CD8B: variants seen among roughly 807,000 people sequenced by gnomAD.
CD8B encodes CD8 subunit beta.
CD8B carries 6 observed loss-of-function variants against 24.2 expected under a neutral mutation model. The observed-to-expected ratio is 0.25, with a 90% CI of 0.14 to 0.49. The LOEUF is 0.49. Among genes scored for constraint, CD8B ranks in the 20% least tolerant of loss-of-function variants. The pLI, the probability that CD8B is intolerant of heterozygous loss-of-function variation, is 0.98. For synonymous variants in CD8B, 84 were observed against 108.3 expected, an observed-to-expected ratio of 0.78 and a Z score of 1.39; for missense variants, 196 against 271.3, an observed-to-expected ratio of 0.72 and a Z score of 1.95.
chr2:86,821,863 T>G (rs1356563281), intron 5 of CD8B: 3 of 286,710 alleles, frequency 1.0e-5, no homozygotes, highest in Non-Finnish European at 2.3e-5. Context: ...GGTTAATTCC[T>G]TCGCTCCAGC....
chr2:86,845,487 G>T (rs1433907379), intron 4 of CD8B, among the ~76,000 whole-genome samples: 1 of 152,050 alleles, frequency 6.6e-6, no homozygotes, highest in Non-Finnish European at 1.5e-5. Flanking sequence ...TTAGGAATGG[G>T]GTCTTATTAT....
chr2:86,831,599 A>G (rs921919774), intron 5 of CD8B, among the ~76,000 whole-genome samples: 2 of 152,344 alleles, frequency 1.3e-5, no homozygotes, highest in East Asian at 1.9e-4. Flanking sequence ...GCTTTCCTCT[A>G]TCTCTGCAAT....
intron 4 of CD8B, 78 bp from the exon 5 acceptor site, chr2:86,845,036 G>T: frequency 6.5e-7 from 1 of 1,547,274 alleles, no homozygotes; most frequent in Non-Finnish European, 8.7e-7. Context: ...AAGGAGGATT[G>T]TCACAGGGGC....
intron 3 of CD8B, among the ~76,000 whole-genome samples, chr2:86,852,698 T>A (rs1676034040): frequency 6.6e-6 from 1 of 152,174 alleles, no homozygotes; most frequent in South Asian, 2.1e-4. Flanking sequence ...AGCTGGTGGA[T>A]GTTTGGGTAG....
chr2:86,847,163 C>T (rs184777786), intron 3 of CD8B, among the ~76,000 whole-genome samples: 2,828 of 151,908 alleles, frequency 0.019, 90 homozygotes, highest in African/African-American at 0.065. Flanking sequence ...TCTCAAACTC[C>T]TGGCCTCAAG....
intron 5 of CD8B, among the ~76,000 whole-genome samples, chr2:86,826,055 C>T (rs1481686277): frequency 2.6e-5 from 4 of 152,080 alleles, no homozygotes; most frequent in Admixed American, 1.3e-4. Context: ...CTCAGGTGCC[C>T]GTGTTTGCAG....
Position 86,841,542 on chromosome 2 carries a change from G to T in CD8B, c.*765C>A, listed in dbSNP as rs375886623. 5.2e-5 allele frequency: 51 copies of T among 978,388 alleles called. No homozygotes were observed. In the African/African-American group the frequency reaches 8.9e-4, roughly 17 times the overall value. The allele number at this position is 978,388 out of a possible 1,614,324, so 60.6% of individuals were successfully genotyped here. Reference sequence around the variant, plus strand: ...TGTTCCACGGAGCACTGATGTCTTTGCTGTAGATGGGCTTTCGCACGTTTA... The same window carrying T: ...TGTTCCACGGAGCACTGATGTCTTTTCTGTAGATGGGCTTTCGCACGTTTA... On this transcript the variant is annotated 3_prime_UTR_variant, in exon 6 of 6. Coordinates refer to ENST00000390655, the MANE Select transcript of CD8B (RefSeq NM_004931.5).
At position 86,844,922 on chromosome 2, in the gene CD8B, T is replaced by A; in HGVS notation, c.620A>T (p.Gln207Leu). The A allele has an allele frequency of 6.4e-7, 1 of 1,556,980 alleles. No homozygotes were observed. The highest frequency in any genetic ancestry group is 2.4e-5 in the East Asian group (1 of 41,270). The stretch of plus-strand genomic sequence containing the variant: ...GGCCACACCCAGGTTATACACTTAC[T>A]GTTTCATGAAACGAAGCCGGGCTCT... ...RRRARLRFMK[Q>L]FYK The change falls in exon 5 of 6, where the codon CAA becomes CTA. Residue 207 changes from glutamine to leucine, a missense_variant and splice_region_variant. Transcript: ENST00000390655.
chr2:86,815,493 G>A (rs934117540), downstream of CD8B: 2 of 733,546 alleles, frequency 2.7e-6, no homozygotes, highest in African/African-American at 3.5e-5. Flanking sequence ...TATGACTTGG[G>A]GGGTTGATGG....
intron 4 of CD8B, 49 bp from the exon 5 acceptor site, chr2:86,845,007 G>A (rs1368511675): frequency 6.4e-7 from 1 of 1,554,330 alleles, no homozygotes; most frequent in South Asian, 1.2e-5. Context: ...GTGGGTCACT[G>A]CGCTGAGCCC....
chr2:86,848,979 A>T (rs1307888790), intron 3 of CD8B, among the ~76,000 whole-genome samples: 288 of 150,096 alleles, frequency 1.9e-3, no homozygotes, highest in African/African-American at 6.8e-3. Flanking sequence ...GGCCTCCCAA[A>T]GTGCTGGGAT....
chr2:86,857,648 A>G (rs1202246506), intron 2 of CD8B, among the ~76,000 whole-genome samples: 7 of 152,168 alleles, frequency 4.6e-5, no homozygotes, highest in Non-Finnish European at 8.8e-5. Flanking sequence ...TGAACCCGGG[A>G]AGCAGAGGCT....
At chr2:86,829,934 T>G (rs1333685388) in intron 5 of CD8B, among the ~76,000 whole-genome samples, 2 of 152,264 alleles carry the variant, frequency 1.3e-5, no homozygotes, top group East Asian at 3.8e-4. Flanking sequence ...ATCTGCTTTT[T>G]AAATTTAATA....
rs1449628045 is a variant in CD8B at position 86,840,053 on chromosome 2, G to C, written c.*2254C>G. Among the ~76,000 whole-genome samples, 1 of 152,200 alleles carries C rather than the reference G, an allele frequency of 6.6e-6. No homozygotes were observed. Among genetic ancestry groups the C allele is most frequent in the Non-Finnish European group, 1.5e-5 (1 of 68,044 alleles). On this transcript the variant is annotated 3_prime_UTR_variant, in exon 6 of 6. Transcript: ENST00000390655. ...TTGCTGAGGCAGGAGTCTAGGGTCTGGGGGCAGGGAATCTAAGGCCAATTC... is the reference window on the plus strand; with the variant it reads ...TTGCTGAGGCAGGAGTCTAGGGTCTCGGGGCAGGGAATCTAAGGCCAATTC...
At chr2:86,822,820 GC>G (rs904059366) in intron 5 of CD8B, among the ~76,000 whole-genome samples, 1 of 152,168 alleles carries the variant, frequency 6.6e-6, no homozygotes, top group African/African-American at 2.4e-5. Context: ...CTTTTTGGGA[GC>G]CAGAATCAAG....
chr2:86,837,425 G>A (rs1463506835), downstream of CD8B, among the ~76,000 whole-genome samples: 4 of 152,154 alleles, frequency 2.6e-5, no homozygotes, highest in Non-Finnish European at 5.9e-5. Flanking sequence ...TTCTGTTTGA[G>A]TTATGTAACT....
chr2:86,848,705 T>TTAATTAA (rs1553436942), intron 3 of CD8B, among the ~76,000 whole-genome samples: 1 of 32,854 alleles, frequency 3.0e-5, no homozygotes, highest in Non-Finnish European at 5.5e-5. Flanking sequence ...TTTTAAATTA[T>TTAATTAA]TTATTTATTT....
At chr2:86,834,935 C>CAA (rs59354571), downstream of CD8B, among the ~76,000 whole-genome samples, 88 of 93,730 alleles carry the variant, frequency 9.4e-4, no homozygotes, top group South Asian at 2.2e-3. Flanking sequence ...AACTCTGTCT[C>CAA]AAAAAAAAAA....
downstream of CD8B, among the ~76,000 whole-genome samples, chr2:86,834,935 CAAAAAA>C (rs59354571): frequency 5.3e-4 from 50 of 93,934 alleles, no homozygotes; most frequent in South Asian, 9.0e-4. Context: ...AACTCTGTCT[CAAAAAA>C]AAAAAAAAAA....
Sources: gnomAD v4.1 joint callset for allele counts (sites outside exome capture counted in the v4.1 genomes callset) on GRCh38, gnomAD v4.1.1 for gene constraint, MANE v1.5 for transcripts, NCBI Gene and HGNC (gene_info 2026-07-23, HGNC 2026-07-21) for gene names.